The following CSMD1 variants were observed in gnomAD, a reference collection of about 807,000 sequenced individuals.
CSMD1 encodes the protein CUB and sushi domain-containing protein 1.
CSMD1 carries 213 observed loss-of-function variants against 417.5 expected under a neutral mutation model. The ratio of observed to expected loss-of-function variants is 0.51; its 90% CI spans 0.46 to 0.57. CSMD1 has a LOEUF of 0.57. Ranked by LOEUF, CSMD1 falls within the 20% of genes least tolerant of loss-of-function variation. The pLI is 0.00. For synonymous variants in CSMD1, 2,862 were observed against 1,736.8 expected (o/e 1.65, Z -16.11); for missense variants, 6,923 against 4,529.7 (o/e 1.53, Z -15.17).
At chr8:3,501,363 G>A (rs1023161897) in intron 10 of CSMD1, among the ~76,000 whole-genome samples, 1 of 152,074 alleles carries the variant, frequency 6.6e-6, no homozygotes, top group African/African-American at 2.4e-5. Flanking sequence ...TCCTTTTGAT[G>A]TTCTTCCGTA....
intron 2 of CSMD1, among the ~76,000 whole-genome samples, chr8:4,598,523 T>A (rs1800402688): frequency 6.6e-6 from 1 of 152,178 alleles, no homozygotes; most frequent in African/African-American, 2.4e-5. Flanking sequence ...TGTGGCTGCT[T>A]AGTTACAATG....
chr8:3,887,827 T>A lies in CSMD1; in HGVS notation c.818+110076A>T, dbSNP rs531306146. On this transcript the variant is annotated intron_variant, in intron 5 of 69. Coordinates refer to ENST00000635120, the MANE Select transcript of CSMD1 (RefSeq NM_033225.6). ...GCCTCTGTCTGCCTCCGTTTGTTCA[T>A]CTGTGCAAGGAAGAAACTAAATATT... is the stretch of plus-strand genomic sequence containing the variant. Among the ~76,000 whole-genome samples, 13 of 152,346 alleles carry A rather than the reference T, an allele frequency of 8.5e-5. No homozygotes were observed. The East Asian group carries it at 2.3e-3, about 27-fold the overall frequency.
intron 12 of CSMD1, among the ~76,000 whole-genome samples, chr8:3,426,286 T>C (rs1813834361): frequency 6.6e-6 from 1 of 152,228 alleles, no homozygotes; most frequent in South Asian, 2.1e-4. Context: ...AATTATTTCT[T>C]GATCATCAAT....
At chr8:3,416,716 G>A (rs139186359) in intron 12 of CSMD1, among the ~76,000 whole-genome samples, 3 of 152,198 alleles carry the variant, frequency 2.0e-5, no homozygotes, top group South Asian at 2.1e-4. Context: ...GGCATGTCAG[G>A]CAAGGCAGCA....
chr8:4,860,220 A>G (rs1460934069), intron 1 of CSMD1, among the ~76,000 whole-genome samples: 1 of 127,844 alleles, frequency 7.8e-6, no homozygotes, highest in Non-Finnish European at 1.6e-5. Flanking sequence ...AGGAGATCAC[A>G]TGGACACAGG....
intron 12 of CSMD1, among the ~76,000 whole-genome samples, chr8:3,430,463 C>T (rs1814144651): frequency 6.6e-6 from 1 of 152,002 alleles, no homozygotes. Flanking sequence ...TAATGTTTAT[C>T]AAGTAGATGA....
intron 1 of CSMD1, among the ~76,000 whole-genome samples, chr8:4,837,943 T>C (rs1037377333): frequency 6.6e-6 from 1 of 151,798 alleles, no homozygotes; most frequent in Non-Finnish European, 1.5e-5. Flanking sequence ...ATAGACACAA[T>C]CTAGCAATGC....
At chr8:3,629,385 C>T (rs184774975) in intron 7 of CSMD1, among the ~76,000 whole-genome samples, 111 of 152,268 alleles carry the variant, frequency 7.3e-4, no homozygotes, top group South Asian at 2.3e-3. Flanking sequence ...TATTTAGTTA[C>T]ATATAGTTAT....
chr8:3,595,565 A>G (rs756812718), intron 8 of CSMD1, among the ~76,000 whole-genome samples: 4 of 152,178 alleles, frequency 2.6e-5, no homozygotes, highest in Non-Finnish European at 4.4e-5. Flanking sequence ...ATAGCCCAAC[A>G]AAGATCCCTT....
chr8:4,663,422 C>G lies in CSMD1; in HGVS notation c.86-25864G>C, dbSNP rs566207872. 5.3e-5 allele frequency among the ~76,000 whole-genome samples: 8 copies of G among 152,262 alleles called. No individual in the cohort carries two copies. The South Asian group carries it at 1.7e-3, about 32-fold the overall frequency. ...TGATTGGTTTGGGTCAATGTCCCTG[C>G]CGAAATCTCATGTCCAGTAGTAACC... is the stretch of plus-strand genomic sequence containing the variant. On this transcript the variant is annotated intron_variant, in intron 1 of 69. Transcript: ENST00000635120.
intron 42 of CSMD1, among the ~76,000 whole-genome samples, chr8:3,114,408 T>G (rs151295818): frequency 0.015 from 2,316 of 150,624 alleles, 48 homozygotes; most frequent in African/African-American, 0.044. Context: ...TAAATACACT[T>G]GGCATAAATA....
intron 1 of CSMD1, among the ~76,000 whole-genome samples, chr8:4,715,382 A>G (rs1808589830): frequency 6.6e-6 from 1 of 152,242 alleles, no homozygotes. Flanking sequence ...AAAATTGAAT[A>G]TAATATAAAC....
intron 26 of CSMD1, among the ~76,000 whole-genome samples, chr8:3,255,641 C>A (rs754991590): frequency 6.6e-6 from 1 of 152,208 alleles, no homozygotes. Flanking sequence ...ATGAGCAAGG[C>A]TCTGTGGGCG....
intron 48 of CSMD1, among the ~76,000 whole-genome samples, chr8:3,090,085 C>T (rs1290694540): frequency 2.6e-5 from 4 of 151,722 alleles, no homozygotes; most frequent in East Asian, 2.0e-4. Context: ...GAGGCCGAGG[C>T]GGCCGGATCA....
intron 3 of CSMD1, among the ~76,000 whole-genome samples, chr8:4,277,198 CATATAT>C (rs3069751): frequency 0.02 from 2,796 of 143,144 alleles, 44 homozygotes; most frequent in Non-Finnish European, 0.029. Context: ...CTACAGATAA[CATATAT>C]ATATATATAT....
chr8:4,899,030 G>C (rs190302594), intron 1 of CSMD1, among the ~76,000 whole-genome samples: 57 of 152,156 alleles, frequency 3.7e-4, no homozygotes, highest in Non-Finnish European at 7.4e-4. Flanking sequence ...AAACACAATC[G>C]ACTCCTTTGG....
chr8:3,952,931 A>G (rs962638134), intron 5 of CSMD1, among the ~76,000 whole-genome samples: 4 of 152,228 alleles, frequency 2.6e-5, no homozygotes, highest in South Asian at 2.1e-4. Context: ...TTATGTCTTC[A>G]TTAATGAAAA....
intron 2 of CSMD1, among the ~76,000 whole-genome samples, chr8:4,514,139 G>A (rs970135934): frequency 3.9e-5 from 6 of 152,086 alleles, no homozygotes; most frequent in African/African-American, 1.4e-4. Context: ...CACACAGAGT[G>A]AGCTCCTGGT....
intron 3 of CSMD1, among the ~76,000 whole-genome samples, chr8:4,186,955 C>T (rs1413746784): frequency 6.6e-6 from 1 of 152,078 alleles, no homozygotes; most frequent in Admixed American, 6.5e-5. Flanking sequence ...GCACTCTAGC[C>T]TGGGTGACAC....
Sources: allele counts gnomAD v4.1 joint callset (sites outside exome capture counted in the v4.1 genomes callset), GRCh38; gene constraint gnomAD v4.1.1; transcripts MANE v1.5; gene names NCBI Gene and HGNC (gene_info 2026-07-23, HGNC 2026-07-21).